Variants in KLHL5 observed in about 807,000 individuals in gnomAD.
KLHL5 encodes the protein kelch-like protein 5.
A neutral mutation model predicts 77.7 loss-of-function variants in KLHL5; 48 were observed. The ratio of observed to expected loss-of-function variants is 0.62; its 90% CI spans 0.49 to 0.79. The LOEUF is 0.79. Ranked by LOEUF, KLHL5 falls within the 30% of genes least tolerant of loss-of-function variation. The pLI, the probability that KLHL5 is intolerant of heterozygous loss-of-function variation, is 0.00. For synonymous variants in KLHL5, 260 were observed against 297.0 expected, an observed-to-expected ratio of 0.88 and a Z score of 1.28; for missense variants, 723 against 859.7, an observed-to-expected ratio of 0.84 and a Z score of 1.99.
intron 5 of KLHL5, among the ~76,000 whole-genome samples, chr4:39,095,733 A>G (rs1721005868): frequency 6.6e-6 from 1 of 151,970 alleles, no homozygotes; most frequent in Admixed American, 6.6e-5. Context: ...AGTTATTAAA[A>G]AGAATAAATC....
intron 1 of KLHL5, among the ~76,000 whole-genome samples, chr4:39,070,117 CTGAT>C (rs745476393): frequency 2.6e-5 from 4 of 152,106 alleles, no homozygotes; most frequent in Non-Finnish European, 4.4e-5. Context: ...GAAATTGACT[CTGAT>C]TGGTCTTGTT....
At chr4:39,139,462 T>G in the KLHL5 span, among the ~76,000 whole-genome samples, 1 of 151,950 alleles carries the variant, frequency 6.6e-6, no homozygotes, top group South Asian at 2.1e-4. Context: ...ACACTATAAT[T>G]ATGGGTGCAT....
chr4:39,058,623 T>A (rs1717164180), upstream of KLHL5, among the ~76,000 whole-genome samples: 1 of 152,024 alleles, frequency 6.6e-6, no homozygotes, highest in African/African-American at 2.4e-5. Flanking sequence ...TCTCAAAAAA[T>A]ATATATATAT....
At position 39,103,298 on chromosome 4, in the gene KLHL5, A is replaced by G. The variant is rs1423431090; in HGVS notation, c.1312A>G (p.Ile438Val). ...ATATTACTATGAAGGAGCAACAAGC[A>G]TTGAAAAGTATGATCTCCGTACAAA... is the stretch of plus-strand genomic sequence containing the variant. ...GMDSTKGATS[I>V]EKYDLRTNMW... is the part of the protein sequence containing the mutation. The change falls in exon 7 of 11, where the codon ATT becomes GTT. Residue 438 changes from isoleucine (I) to valine (V), a missense_variant. Ile to Val is a conservative substitution (Grantham distance 29). Coordinates refer to ENST00000504108, the MANE Select transcript of KLHL5 (RefSeq NM_015990.5). 6.2e-7 allele frequency: 1 copy of G among 1,612,420 alleles called. No homozygotes were observed. Among genetic ancestry groups the G allele is most frequent in the Non-Finnish European group, 8.5e-7 (1 of 1,179,196 alleles).
chr4:39,092,895 A>G (rs1193407433), intron 5 of KLHL5, among the ~76,000 whole-genome samples: 3 of 152,236 alleles, frequency 2.0e-5, no homozygotes, highest in Non-Finnish European at 4.4e-5. Context: ...ACCCTCGTAC[A>G]GTGCTGGTGG....
chr4:39,120,281 A>C (rs930164202), intron 10 of KLHL5: 3 of 152,106 alleles, frequency 2.0e-5, no homozygotes, highest in African/African-American at 7.2e-5. Flanking sequence ...CAGTGTCTAG[A>C]GTTCCTATTG....
At chr4:39,101,859 A>AATAT (rs1553892986) in intron 6 of KLHL5, among the ~76,000 whole-genome samples, 9 of 104,770 alleles carry the variant, frequency 8.6e-5, no homozygotes, top group East Asian at 6.0e-4. Flanking sequence ...AAAAAAAAAA[A>AATAT]ATATATATAT....
In KLHL5 at chr4:39,081,103, A is replaced by G; in HGVS notation, c.567A>G (p.Arg189=). 6.2e-7 allele frequency: 1 copy of G among 1,604,020 alleles called. No homozygotes were observed. Among genetic ancestry groups the G allele is most frequent in the Non-Finnish European group, 8.5e-7 (1 of 1,177,230 alleles). Residue 189 remains arginine (R), a splice_region_variant and synonymous_variant, in exon 3 of 11, where the codon AGA becomes AGG. Transcript: ENST00000504108. This position sits in a 1 kb window ranked among gnomAD's most constrained non-coding sequence, Gnocchi z 4.3. ...VAGDRRIPAH[R]LVLSSVSDYF... Reference sequence around the variant, plus strand: ...TTTTTTTTTCCTAATGTGTTCACAGATTGGTGCTCTCCTCTGTCTCAGACT... The same window carrying G: ...TTTTTTTTTCCTAATGTGTTCACAGGTTGGTGCTCTCCTCTGTCTCAGACT...
intron 5 of KLHL5, among the ~76,000 whole-genome samples, chr4:39,089,226 C>A (rs1176361001): frequency 6.6e-6 from 1 of 152,070 alleles, no homozygotes; most frequent in African/African-American, 2.4e-5. Flanking sequence ...ATTGACAAAA[C>A]TTCATGACTG....
chr4:39,137,356 A>G, the KLHL5 span, among the ~76,000 whole-genome samples: 1 of 151,824 alleles, frequency 6.6e-6, no homozygotes. Context: ...TTTACAAAAA[A>G]AAAAAGAATG....
At chr4:39,086,869 TCTGGCTA>T in intron 5 of KLHL5, 142 bp downstream of exon 5, 2 of 575,640 alleles carry the variant, frequency 3.5e-6, no homozygotes, top group Non-Finnish European at 6.2e-6. Flanking sequence ...GTCCAGAAGA[TCTGGCTA>T]CTTAAATTGC....
At chr4:39,107,297 C>G (rs1054672064) in intron 7 of KLHL5, among the ~76,000 whole-genome samples, 1 of 152,080 alleles carries the variant, frequency 6.6e-6, no homozygotes, top group Admixed American at 6.6e-5. Context: ...ATCCTCCCAC[C>G]TGGGACTCCC....
intron 10 of KLHL5, chr4:39,116,095 G>A (rs1560442559): frequency 2.2e-6 from 2 of 901,908 alleles, no homozygotes; most frequent in African/African-American, 3.6e-5. Flanking sequence ...CACTTTGGGA[G>A]GCTGAGGCGG....
chr4:39,093,469 T>C (rs1249753112), intron 5 of KLHL5: 1 of 455,236 alleles, frequency 2.2e-6, no homozygotes, highest in Admixed American at 2.4e-5. Flanking sequence ...TTGTGTACTT[T>C]GAATGGATAA....
chr4:39,071,027 A>T (rs1345347611), intron 1 of KLHL5, among the ~76,000 whole-genome samples: 1 of 152,098 alleles, frequency 6.6e-6, no homozygotes, highest in Non-Finnish European at 1.5e-5. Context: ...AATATATATA[A>T]AAGCTTCTAT....
chr4:39,089,772 A>T (rs1374849899), intron 5 of KLHL5, among the ~76,000 whole-genome samples: 1 of 152,174 alleles, frequency 6.6e-6, no homozygotes, highest in African/African-American at 2.4e-5. Flanking sequence ...CCCCACACCT[A>T]CTGAATATGA....
chr4:39,123,228 A>G lies in KLHL5; in HGVS notation c.*2162A>G, dbSNP rs1010443044. On this transcript the variant is annotated 3_prime_UTR_variant, in exon 11 of 11. Coordinates refer to ENST00000504108, the MANE Select transcript of KLHL5 (RefSeq NM_015990.5). The stretch of plus-strand genomic sequence containing the variant: ...AAAGAGATTGAACCAGTAATCAAAA[A>G]TCTCCCAACAAAGAAAGTCCAGGAC... Among the ~76,000 whole-genome samples, 1 of 152,216 alleles carries G rather than the reference A, an allele frequency of 6.6e-6. No individual in the cohort carries two copies. The highest frequency in any genetic ancestry group is 1.5e-5 in the Non-Finnish European group (1 of 68,028).
At chr4:39,133,275 T>G in the KLHL5 span, among the ~76,000 whole-genome samples, 1 of 152,182 alleles carries the variant, frequency 6.6e-6, no homozygotes, top group Non-Finnish European at 1.5e-5. Context: ...TTTTTTCAAC[T>G]AATTACATTG....
chr4:39,101,292 G>C (rs1160728423), intron 6 of KLHL5, among the ~76,000 whole-genome samples: 1 of 151,544 alleles, frequency 6.6e-6, no homozygotes, highest in Non-Finnish European at 1.5e-5. Context: ...TTCCCTAAAT[G>C]TATTCATGAA....
Sources: gnomAD v4.1 joint callset for allele counts (sites outside exome capture counted in the v4.1 genomes callset) on GRCh38, gnomAD v4.1.1 for gene constraint, Gnocchi (gnomAD v3.1) non-coding constraint, MANE v1.5 for transcripts, NCBI Gene and HGNC (gene_info 2026-07-23, HGNC 2026-07-21) for gene names.